CNTN1: variants seen among roughly 807,000 people sequenced by gnomAD.
CNTN1 encodes contactin-1.
CNTN1 carries 38 observed loss-of-function variants against 126.4 expected under a neutral mutation model. The observed-to-expected ratio is 0.30, with a 90% confidence interval of 0.23 to 0.39. The LOEUF (loss-of-function observed/expected upper bound fraction) is 0.39. Ranked by LOEUF, CNTN1 falls within the 10% of genes least tolerant of loss-of-function variation. The pLI is 1.00. For synonymous variants in CNTN1, 413 were observed against 422.6 expected, an observed-to-expected ratio of 0.98 and a Z score of 0.28; for missense variants, 1,009 against 1,248.4, an observed-to-expected ratio of 0.81 and a Z score of 2.89.
chr12:41,020,982 A>T (rs1437855186), intron 20 of CNTN1, among the ~76,000 whole-genome samples: 1 of 152,224 alleles, frequency 6.6e-6, no homozygotes, highest in Admixed American at 6.5e-5. Flanking sequence ...GCAAATGAGA[A>T]AACTTGTCTT....
At chr12:40,962,403 T>C (rs1947135507) in intron 15 of CNTN1, among the ~76,000 whole-genome samples, 1 of 152,134 alleles carries the variant, frequency 6.6e-6, no homozygotes, top group African/African-American at 2.4e-5. Context: ...GAGCTTAGAA[T>C]GTAAGCAGTC....
chr12:40,924,770 CTG>C (rs1945578728), intron 6 of CNTN1, 118 bp downstream of exon 6: 2 of 680,320 alleles, frequency 2.9e-6, no homozygotes, highest in Non-Finnish European at 5.5e-6. Context: ...TTAAATGAGA[CTG>C]AATATTTGCA....
intron 1 of CNTN1, among the ~76,000 whole-genome samples, chr12:40,734,553 A>C (rs1038515485): frequency 3.3e-5 from 5 of 152,124 alleles, no homozygotes; most frequent in Admixed American, 6.6e-5. Context: ...GATTTGGGAC[A>C]AACTGCTCAG....
chr12:40,725,763 T>G (rs1329081835), intron 1 of CNTN1, among the ~76,000 whole-genome samples: 8 of 152,176 alleles, frequency 5.3e-5, no homozygotes. Context: ...ACTTATTGTT[T>G]TGGTGGAGTT....
rs555785168 is a variant in CNTN1, at chr12:40,875,030, C to T, written c.-76-33327C>T. On this transcript the variant is annotated intron_variant, in intron 1 of 23. Coordinates refer to ENST00000551295, the MANE Select transcript of CNTN1 (RefSeq NM_001843.4). ...TTGACCACATGTGCCTTTGGGCACA[C>T]GTATATACAAGAGTGCTCTAGGACT... Among the ~76,000 whole-genome samples, 204 of 152,216 alleles carry T rather than the reference C, an allele frequency of 1.3e-3. 2 individuals carry two copies. Among genetic ancestry groups the T allele is most frequent in the Middle Eastern group, 3.4e-3 (1 of 294 alleles).
At chr12:40,752,631 A>G (rs1938447031) in intron 1 of CNTN1, among the ~76,000 whole-genome samples, 1 of 152,100 alleles carries the variant, frequency 6.6e-6, no homozygotes, top group Non-Finnish European at 1.5e-5. Flanking sequence ...TCTACGGTAT[A>G]GTATATTGTT....
rs1938289733 is a variant in CNTN1 at position 40,748,974 on chromosome 12, C to T, written c.-77+56382C>T. On this transcript the variant is annotated intron_variant, in intron 1 of 23. Coordinates refer to ENST00000551295, the MANE Select transcript of CNTN1 (RefSeq NM_001843.4). ...GTGCTAGACTTGAAAACAGACAAAACACCCCTGAGGTTCTTTTACCTGGTT... is the reference window on the plus strand; with the variant it reads ...GTGCTAGACTTGAAAACAGACAAAATACCCCTGAGGTTCTTTTACCTGGTT... 2.0e-5 allele frequency among the ~76,000 whole-genome samples: 3 copies of T among 152,178 alleles called. No individual in the cohort carries two copies. The East Asian group carries it at 5.8e-4, about 29-fold the overall frequency.
chr12:41,017,431 T>G (rs1028373626), intron 19 of CNTN1, among the ~76,000 whole-genome samples: 5 of 151,226 alleles, frequency 3.3e-5, no homozygotes, highest in Admixed American at 6.6e-5. Flanking sequence ...TATATATTAT[T>G]TGTAAAATGG....
intron 1 of CNTN1, among the ~76,000 whole-genome samples, chr12:40,756,992 T>A (rs1393553358): frequency 1.3e-5 from 2 of 152,144 alleles, no homozygotes; most frequent in Non-Finnish European, 2.9e-5. Flanking sequence ...TGAATATTTA[T>A]AGGATATCTT....
At chr12:40,929,197 G>A (rs912337155) in intron 6 of CNTN1, among the ~76,000 whole-genome samples, 5 of 151,898 alleles carry the variant, frequency 3.3e-5, no homozygotes, top group African/African-American at 1.2e-4. Flanking sequence ...GGAATTTCAT[G>A]TGGGTAAGAG....
At chr12:40,760,469 T>G (rs1018718453) in intron 1 of CNTN1, among the ~76,000 whole-genome samples, 4 of 142,740 alleles carry the variant, frequency 2.8e-5, no homozygotes, top group Non-Finnish European at 6.2e-5. Context: ...GCAGTTAATG[T>G]TTTTTTTTTT....
chr12:40,810,984 C>T (rs1941039518), intron 1 of CNTN1, among the ~76,000 whole-genome samples: 1 of 152,130 alleles, frequency 6.6e-6, no homozygotes. Flanking sequence ...GCCTGGGTGA[C>T]AGAATGAAAG....
chr12:40,891,370 G>T (rs1171693518), intron 1 of CNTN1, among the ~76,000 whole-genome samples: 1 of 152,060 alleles, frequency 6.6e-6, no homozygotes, highest in Non-Finnish European at 1.5e-5. Context: ...TTTTAATGAA[G>T]TCCTGCTTTG....
In CNTN1 at chr12:40,908,454, A is replaced by G. The variant is rs375719952; in HGVS notation, c.22A>G (p.Ser8Gly). 3 of 1,613,066 alleles carry G rather than the reference A, an allele frequency of 1.9e-6. No individual in the cohort carries two copies. The highest frequency in any genetic ancestry group is 2.5e-6 in the Non-Finnish European group (3 of 1,179,460). MKMWLLV[S>G]HLVIISITTC... The stretch of plus-strand genomic sequence containing the variant: ...CAAGATGAAAATGTGGTTGCTGGTC[A>G]GTCATCTTGTGATAATATCTATTAC... Residue 8 changes from serine to glycine, a missense_variant, in exon 2 of 24, where the codon AGT (serine) becomes GGT (glycine). Physicochemically the swap from Ser to Gly is moderately conservative, Grantham distance 56. Coordinates refer to ENST00000551295, the MANE Select transcript of CNTN1 (RefSeq NM_001843.4).
intron 12 of CNTN1, among the ~76,000 whole-genome samples, chr12:40,940,777 C>T (rs1946239684): frequency 6.6e-6 from 1 of 152,064 alleles, no homozygotes; most frequent in Non-Finnish European, 1.5e-5. Flanking sequence ...TATGTTTGAC[C>T]TCAGGGTTGT....
chr12:41,055,313 T>A (rs1385122237), intron 23 of CNTN1, among the ~76,000 whole-genome samples: 1 of 152,140 alleles, frequency 6.6e-6, no homozygotes, highest in Admixed American at 6.6e-5. Flanking sequence ...TCTCCCTTTT[T>A]CACAATGCAT....
At chr12:41,057,805 A>G (rs1409732788) in intron 23 of CNTN1, among the ~76,000 whole-genome samples, 1 of 152,040 alleles carries the variant, frequency 6.6e-6, no homozygotes, top group Non-Finnish European at 1.5e-5. Flanking sequence ...ATACATAAGC[A>G]TGAGATGATG....
chr12:41,064,753 AG>A (rs1225333336), intron 23 of CNTN1, among the ~76,000 whole-genome samples: 2 of 143,678 alleles, frequency 1.4e-5, no homozygotes, highest in African/African-American at 5.4e-5. Flanking sequence ...TTCTGAAGAA[AG>A]GTTATGCTAC....
chr12:40,924,822 T>A (rs1371379634), intron 6 of CNTN1, among the ~76,000 whole-genome samples, 170 bp downstream of exon 6: 1 of 147,130 alleles, frequency 6.8e-6, no homozygotes, highest in Non-Finnish European at 1.5e-5. Context: ...GACACTTTCT[T>A]TCTTGGCTCA....
Sources: gnomAD v4.1 joint callset for allele counts (sites outside exome capture counted in the v4.1 genomes callset) on GRCh38, gnomAD v4.1.1 for gene constraint, MANE v1.5 for transcripts, NCBI Gene and HGNC (gene_info 2026-07-23, HGNC 2026-07-21) for gene names.